The following NSUN6 variants were observed in gnomAD, a reference collection of about 807,000 sequenced individuals.
NSUN6 encodes the protein tRNA (cytosine(72)-C(5))-methyltransferase NSUN6.
A neutral mutation model predicts 58.0 loss-of-function variants in NSUN6; 64 were observed. The observed-to-expected ratio is 1.10, with a 90% CI of 0.90 to 1.36. The LOEUF is 1.36. NSUN6 is among the 40% of genes most tolerant of loss of function. The pLI is 0.00. For synonymous variants in NSUN6, 231 were observed against 193.9 expected, an observed-to-expected ratio of 1.19 and a Z score of -1.59; for missense variants, 701 against 550.1, an observed-to-expected ratio of 1.27 and a Z score of -2.74.
chr10:18,621,203 T>C (rs765626837), intron 3 of NSUN6, among the ~76,000 whole-genome samples: 2 of 152,186 alleles, frequency 1.3e-5, no homozygotes, highest in Non-Finnish European at 2.9e-5. Context: ...GAGCCCTGAA[T>C]AGGAATCCTG....
At chr10:18,617,714 T>G (rs1317785046) in intron 3 of NSUN6, among the ~76,000 whole-genome samples, 5 of 152,020 alleles carry the variant, frequency 3.3e-5, no homozygotes, top group African/African-American at 1.2e-4. Flanking sequence ...TCTGGATGTG[T>G]CCCCCAATAT....
At chr10:18,610,544 C>T (rs1422094352) in intron 5 of NSUN6, among the ~76,000 whole-genome samples, 2 of 152,178 alleles carry the variant, frequency 1.3e-5, no homozygotes, top group Admixed American at 6.5e-5. Context: ...TCATTCTTTA[C>T]TACTTCCTGT....
At chr10:18,627,972 TAGAC>T (rs1564822964) in intron 3 of NSUN6, among the ~76,000 whole-genome samples, 3 of 152,170 alleles carry the variant, frequency 2.0e-5, no homozygotes, top group Admixed American at 1.3e-4. Context: ...GACAAACAAA[TAGAC>T]AGCAGTAACC....
At chr10:18,586,648 C>T (rs1324722966) in intron 7 of NSUN6, among the ~76,000 whole-genome samples, 5 of 152,120 alleles carry the variant, frequency 3.3e-5, no homozygotes, top group Non-Finnish European at 7.4e-5. Context: ...GGAGTGAAGC[C>T]GCAGACCTTC....
Position 18,604,103 on chromosome 10 carries a change from A to G in NSUN6, c.657+5742T>C, listed in dbSNP as rs150226657. Among the ~76,000 whole-genome samples, 788 of 152,202 alleles carry G rather than the reference A, an allele frequency of 5.2e-3. 4 individuals carry two copies. Among genetic ancestry groups the G allele is most frequent in the Non-Finnish European group, 9.1e-3 (617 of 68,006 alleles). The stretch of plus-strand genomic sequence containing the variant: ...AGGCTGAAGCAGGAGAATCACTTGA[A>G]CCTGGGAGGCGGAGGCTGCAGTGAG... On this transcript the variant is annotated intron_variant, in intron 6 of 10. Coordinates refer to ENST00000377304, the MANE Select transcript of NSUN6 (RefSeq NM_182543.5).
At chr10:18,556,264 G>A (rs1470956201) in intron 8 of NSUN6, among the ~76,000 whole-genome samples, 3 of 151,102 alleles carry the variant, frequency 2.0e-5, no homozygotes, top group Non-Finnish European at 3.0e-5. Flanking sequence ...ATGGAATGAA[G>A]AATGGAATGG....
At chr10:18,582,284 C>T (rs888210077) in intron 8 of NSUN6, among the ~76,000 whole-genome samples, 4 of 152,180 alleles carry the variant, frequency 2.6e-5, no homozygotes, top group Admixed American at 2.6e-4. Flanking sequence ...CTGATGCTTG[C>T]CTGACATTCC....
chr10:18,562,444 T>C (rs2055589304), intron 8 of NSUN6, among the ~76,000 whole-genome samples: 1 of 149,776 alleles, frequency 6.7e-6, no homozygotes, highest in Non-Finnish European at 1.5e-5. Flanking sequence ...CGGAATGGAA[T>C]GGAATGCGGA....
chr10:18,593,289 G>C (rs997017529), intron 7 of NSUN6, among the ~76,000 whole-genome samples: 1 of 152,196 alleles, frequency 6.6e-6, no homozygotes, highest in African/African-American at 2.4e-5. Context: ...CGCTGTGGAA[G>C]ACAGTGTGGC....
At chr10:18,648,443 A>ATCC (rs1392646489) in intron 2 of NSUN6, 47 bp downstream of exon 2, 1 of 1,275,150 alleles carries the variant, frequency 7.8e-7, no homozygotes. Context: ...AACATGGTAG[A>ATCC]TTGCAAAAAT....
In NSUN6 at chr10:18,635,859, T is replaced by TA. The variant is rs755771328; in HGVS notation, c.311+6616dup. On this transcript the variant is annotated intron_variant, in intron 3 of 10. Coordinates refer to ENST00000377304, the MANE Select transcript of NSUN6 (RefSeq NM_182543.5). ...TGTTGTTGTTTTTTGTCGTTTTTTT[T>TA]AAAAAAAAAAGACAAAGAAGAACTA... is the stretch of plus-strand genomic sequence containing the variant. Among the ~76,000 whole-genome samples the TA allele has an allele frequency of 6.1e-3, 909 of 148,384 alleles. 9 individuals carry two copies. The highest frequency in any genetic ancestry group is 0.021 in the African/African-American group (846 of 40,242).
chr10:18,599,914 AT>A (rs1335543206), intron 6 of NSUN6, among the ~76,000 whole-genome samples: 2 of 151,820 alleles, frequency 1.3e-5, no homozygotes, highest in African/African-American at 4.8e-5. Context: ...ATACTTCTTA[AT>A]TCTGTGGATT....
At chr10:18,651,103 T>C (rs775293802) in intron 1 of NSUN6, 26 bp downstream of exon 1, 1 of 1,571,488 alleles carries the variant, frequency 6.4e-7, no homozygotes, top group Non-Finnish European at 8.6e-7. Context: ...TTGCAAAATA[T>C]CAACTAACAT....
upstream of NSUN6, chr10:18,652,841 G>A (rs984454792): frequency 7.4e-6 from 7 of 947,186 alleles, no homozygotes; most frequent in East Asian, 3.5e-4. Context: ...TTACAGGCGT[G>A]AGCCACCACG....
intron 3 of NSUN6, among the ~76,000 whole-genome samples, 171 bp from the exon 4 acceptor site, chr10:18,616,464 C>T (rs1471536847): frequency 6.6e-6 from 1 of 152,118 alleles, no homozygotes; most frequent in Non-Finnish European, 1.5e-5. Context: ...AAAACAGCAA[C>T]ACGAAGATGG....
chr10:18,604,274 C>G (rs925904086), intron 6 of NSUN6, among the ~76,000 whole-genome samples: 1 of 152,126 alleles, frequency 6.6e-6, no homozygotes, highest in East Asian at 1.9e-4. Flanking sequence ...GTTATTCTAC[C>G]TACATGTTTA....
chr10:18,562,482 T>C (rs1416915640), intron 8 of NSUN6, among the ~76,000 whole-genome samples: 8 of 121,946 alleles, frequency 6.6e-5, no homozygotes, highest in Admixed American at 4.1e-4. Flanking sequence ...ATGGAATGGA[T>C]TGTAGAATGG....
intron 7 of NSUN6, among the ~76,000 whole-genome samples, chr10:18,588,302 C>T (rs559554067): frequency 6.6e-6 from 1 of 152,292 alleles, no homozygotes; most frequent in South Asian, 2.1e-4. Context: ...TTCCCTTGGA[C>T]AGAGCACCTG....
intron 2 of NSUN6, among the ~76,000 whole-genome samples, chr10:18,646,577 C>T (rs142729805): frequency 6.6e-6 from 1 of 152,106 alleles, no homozygotes; most frequent in Non-Finnish European, 1.5e-5. Context: ...AGGCACAAGG[C>T]CTCACGCCTG....
Sources: allele counts gnomAD v4.1 joint callset (sites outside exome capture counted in the v4.1 genomes callset), GRCh38; gene constraint gnomAD v4.1.1; transcripts MANE v1.5; gene names NCBI Gene and HGNC (gene_info 2026-07-23, HGNC 2026-07-21).